CREBRF: variants seen among roughly 807,000 people sequenced by gnomAD.
CREBRF encodes the protein UPF0474 protein C5orf41.
A neutral mutation model predicts 66.1 loss-of-function variants in CREBRF; 5 were observed. That is an observed-to-expected ratio of 0.08 (90% CI 0.04 to 0.16). CREBRF has a LOEUF of 0.16. Ranked by LOEUF, CREBRF falls within the 10% of genes least tolerant of loss-of-function variation. CREBRF has a pLI of 1.00. For missense variants in CREBRF, 531 were observed against 744.9 expected (o/e 0.71, Z 3.34); for synonymous variants, 229 against 264.4 (o/e 0.87, Z 1.30).
chr5:173,077,609 T>A (rs1189294656), intron 1 of CREBRF, among the ~76,000 whole-genome samples: 1 of 152,148 alleles, frequency 6.6e-6, no homozygotes, highest in African/African-American at 2.4e-5. Context: ...GCCAGGCTGG[T>A]CTTGAATTCC....
chr5:173,069,265 A>G (rs1394764364), intron 1 of CREBRF, among the ~76,000 whole-genome samples: 2 of 152,174 alleles, frequency 1.3e-5, no homozygotes, highest in East Asian at 1.9e-4. Flanking sequence ...TATCCCCACA[A>G]AATAATGGGG....
At chr5:173,056,859 G>C (rs1056685272) in intron 1 of CREBRF, among the ~76,000 whole-genome samples, 4 of 151,652 alleles carry the variant, frequency 2.6e-5, no homozygotes, top group Non-Finnish European at 5.9e-5. Context: ...GCCGGCAGTC[G>C]GCCTGTCAGA....
In CREBRF at chr5:173,133,900, T is replaced by A. The variant is rs554828479; in HGVS notation, c.*155T>A. The stretch of plus-strand genomic sequence containing the variant: ...ACTAAGTAGCATAAGTGAAGCATGA[T>A]CCAAAATACTTGATTATTGCATTTT... On this transcript the variant is annotated 3_prime_UTR_variant, in exon 9 of 9. Transcript: ENST00000296953. The A allele has an allele frequency of 2.2e-6, 1 of 464,986 alleles. No homozygotes were observed. Among genetic ancestry groups the A allele is most frequent in the South Asian group, 3.6e-5 (1 of 27,672 alleles). The allele number at this position is 464,986 out of a possible 1,614,324, so 28.8% of individuals were successfully genotyped here.
chr5:173,064,630 T>C lies in CREBRF; in HGVS notation c.-192+8151T>C, dbSNP rs944018839. Among the ~76,000 whole-genome samples, 9 of 146,836 alleles carry C rather than the reference T, an allele frequency of 6.1e-5. No individual in the cohort carries two copies. The Admixed American group carries it at 6.3e-4, about 10-fold the overall frequency. On this transcript the variant is annotated intron_variant, in intron 1 of 8. Coordinates refer to ENST00000296953, the MANE Select transcript of CREBRF (RefSeq NM_153607.3). ...GCCCAGGCGGAGTGCAATGGCACAATCTCGGCTTACTGCAACCTCCACCTC... is the reference window on the plus strand; with the variant it reads ...GCCCAGGCGGAGTGCAATGGCACAACCTCGGCTTACTGCAACCTCCACCTC...
intron 4 of CREBRF, among the ~76,000 whole-genome samples, chr5:173,097,960 T>C (rs577559595): frequency 1.2e-4 from 19 of 152,070 alleles, no homozygotes; most frequent in Non-Finnish European, 2.8e-4. Flanking sequence ...GTGTAAAGTT[T>C]GGTTGTTTAT....
intron 8 of CREBRF, chr5:173,124,427 A>C (rs765722521): frequency 4.6e-5 from 7 of 152,150 alleles, no homozygotes; most frequent in Non-Finnish European, 1.0e-4. Flanking sequence ...GCGTGGTGGC[A>C]GGTGCCTGTA....
intron 1 of CREBRF, among the ~76,000 whole-genome samples, chr5:173,073,317 C>T (rs1757650999): frequency 6.6e-6 from 1 of 152,138 alleles, no homozygotes; most frequent in Non-Finnish European, 1.5e-5. Context: ...TAGTGGTTAT[C>T]CTGATACCAA....
At chr5:173,106,006 A>T (rs1758739912) in intron 4 of CREBRF, among the ~76,000 whole-genome samples, 1 of 152,214 alleles carries the variant, frequency 6.6e-6, no homozygotes, top group African/African-American at 2.4e-5. Context: ...AACAAAATAA[A>T]TCCTATCATT....
chr5:173,068,153 G>A, intron 1 of CREBRF: 1 of 453,430 alleles, frequency 2.2e-6, no homozygotes, highest in Non-Finnish European at 4.4e-6. Flanking sequence ...ACGAGTTACT[G>A]TAAATTTTAT....
At chr5:173,059,103 C>A (rs573176871) in intron 1 of CREBRF, among the ~76,000 whole-genome samples, 8 of 151,612 alleles carry the variant, frequency 5.3e-5, no homozygotes, top group Non-Finnish European at 1.0e-4. Flanking sequence ...CGGCCTGATT[C>A]ATCAATTTTT....
At chr5:173,100,131 A>ATATATAATTT (rs1554125245) in intron 4 of CREBRF, among the ~76,000 whole-genome samples, 1 of 42,864 alleles carries the variant, frequency 2.3e-5, no homozygotes, top group African/African-American at 9.6e-5. Context: ...TATATATATA[A>ATATATAATTT]TTTTTTTTTT....
At chr5:173,079,816 G>C (rs185198090) in intron 1 of CREBRF, among the ~76,000 whole-genome samples, 1 of 152,196 alleles carries the variant, frequency 6.6e-6, no homozygotes, top group Non-Finnish European at 1.5e-5. Flanking sequence ...AAAATGAAGC[G>C]AGTATAACTG....
In CREBRF at chr5:173,091,073, A is replaced by G. The variant is rs1758319318; in HGVS notation, c.894A>G (p.Leu298=). Residue 298 remains leucine (L), a synonymous_variant, in exon 4 of 9, where the codon CTA becomes CTG. Transcript: ENST00000296953. Reference sequence around the variant, plus strand: ...TGCCTTTTAAAGAAACCCAGGAACTATTACTAAGTCCCCTGCCCCAGGAAG... The same window carrying G: ...TGCCTTTTAAAGAAACCCAGGAACTGTTACTAAGTCCCCTGCCCCAGGAAG... The part of the protein sequence containing the change: ...PALPFKETQE[L]LLSPLPQEGP... 6.2e-7 allele frequency: 1 copy of G among 1,614,178 alleles called. No individual in the cohort carries two copies. The highest frequency in any genetic ancestry group is 8.5e-7 in the Non-Finnish European group (1 of 1,180,032).
intron 1 of CREBRF, among the ~76,000 whole-genome samples, chr5:173,065,192 T>C (rs1328618181): frequency 6.6e-6 from 1 of 152,134 alleles, no homozygotes; most frequent in Non-Finnish European, 1.5e-5. Flanking sequence ...AAGTTGAATA[T>C]TCATTGAAAA....
In CREBRF at chr5:173,090,202, C is replaced by T; in HGVS notation, c.136-113C>T. ...AATGATAAAGCGTCCTGTCAGTAGCCTTTATGTTAAAACAGACCAAAAGTC... is the reference window on the plus strand; with the variant it reads ...AATGATAAAGCGTCCTGTCAGTAGCTTTTATGTTAAAACAGACCAAAAGTC... On this transcript the variant is annotated intron_variant, in intron 3 of 8. Coordinates refer to ENST00000296953, the MANE Select transcript of CREBRF (RefSeq NM_153607.3). This position sits in a 1 kb window ranked among gnomAD's most constrained non-coding sequence, Gnocchi z 4.5. The T allele has an allele frequency of 1.3e-6, 1 of 749,160 alleles. No homozygotes were observed. The highest frequency in any genetic ancestry group is 2.1e-6 in the Non-Finnish European group (1 of 476,724). 46.4% of individuals were successfully genotyped at this position (749,160 alleles called of 1,614,324 possible).
intron 4 of CREBRF, among the ~76,000 whole-genome samples, chr5:173,096,742 T>C (rs912153212): frequency 2.0e-5 from 3 of 152,032 alleles, no homozygotes; most frequent in African/African-American, 7.3e-5. Flanking sequence ...GTTCCTTTTA[T>C]ATGTAATTTG....
intron 8 of CREBRF, 23 bp from the exon 9 acceptor site, chr5:173,133,607 G>A (rs763958146): frequency 2.1e-5 from 29 of 1,405,358 alleles, no homozygotes; most frequent in Non-Finnish European, 2.6e-5. Context: ...GTGTCTAGAT[G>A]TGCCTTTTAT....
intron 1 of CREBRF, among the ~76,000 whole-genome samples, chr5:173,072,164 G>A (rs1444941142): frequency 6.6e-6 from 1 of 151,978 alleles, no homozygotes; most frequent in Admixed American, 6.6e-5. Context: ...CTGAAGTGCA[G>A]TGGCACAATC....
chr5:173,105,616 C>T (rs966132088), intron 4 of CREBRF, among the ~76,000 whole-genome samples: 14 of 151,876 alleles, frequency 9.2e-5, no homozygotes, highest in Admixed American at 4.6e-4. Flanking sequence ...TACAGGTGGG[C>T]GCCACCACAC....
Sources: gnomAD v4.1 joint callset for allele counts (sites outside exome capture counted in the v4.1 genomes callset) on GRCh38, gnomAD v4.1.1 for gene constraint, Gnocchi (gnomAD v3.1) non-coding constraint, MANE v1.5 for transcripts, NCBI Gene and HGNC (gene_info 2026-07-23, HGNC 2026-07-21) for gene names.